Variants in EFR3B observed in about 807,000 individuals in gnomAD.
The protein encoded by EFR3B is EFR3 homolog B.
EFR3B carries 64 observed loss-of-function variants against 104.7 expected under a neutral mutation model. The ratio of observed to expected loss-of-function variants is 0.61; its 90% CI spans 0.50 to 0.75. The LOEUF (loss-of-function observed/expected upper bound fraction) is 0.75, where lower values mean the gene tolerates loss of function less well. EFR3B is among the 30% of genes least tolerant of loss of function. EFR3B has a pLI of 0.00. For synonymous variants in EFR3B, 385 were observed against 417.9 expected (o/e 0.92, Z 0.96); for missense variants, 750 against 1,078.5 (o/e 0.70, Z 4.27).
At chr2:25,100,320 T>G (rs570925315) in intron 3 of EFR3B, among the ~76,000 whole-genome samples, 1 of 152,346 alleles carries the variant, frequency 6.6e-6, no homozygotes, top group African/African-American at 2.4e-5. Flanking sequence ...TTACGGCATG[T>G]GAACCTGACT....
chr2:25,113,128 G>C (rs867457049), intron 4 of EFR3B, among the ~76,000 whole-genome samples: 1 of 152,010 alleles, frequency 6.6e-6, no homozygotes, highest in Non-Finnish European at 1.5e-5. Context: ...ATCTTGAAAG[G>C]GTGGCCCTAG....
At chr2:25,075,223 C>T (rs147688279) in intron 1 of EFR3B, among the ~76,000 whole-genome samples, 3 of 152,326 alleles carry the variant, frequency 2.0e-5, no homozygotes, top group African/African-American at 7.2e-5. Context: ...TCTCCTGCAG[C>T]TCTGAAGTCA....
rs956157834 is a variant in EFR3B at position 25,155,956 on chromosome 2, G to A, written c.*1616G>A. On this transcript the variant is annotated 3_prime_UTR_variant, in exon 23 of 23. Transcript: ENST00000403714. ...TTCTCCCACCTCAGCCTCCTGAGTAGCTGAGAATCCCTTTTTAGGGTACAA... is the reference window on the plus strand; with the variant it reads ...TTCTCCCACCTCAGCCTCCTGAGTAACTGAGAATCCCTTTTTAGGGTACAA... The A allele has an allele frequency of 5.3e-5, 8 of 151,996 alleles. No homozygotes were observed. The highest frequency in any genetic ancestry group is 1.7e-4 in the African/African-American group (7 of 41,348). 9.4% of individuals were successfully genotyped at this position (151,996 alleles called of 1,614,324 possible). A position where few individuals can be genotyped will look rare whatever the true frequency, so the allele number is the denominator to read the frequency against.
intron 1 of EFR3B, among the ~76,000 whole-genome samples, chr2:25,088,740 TCA>T: frequency 6.6e-6 from 1 of 152,140 alleles, no homozygotes. Flanking sequence ...TTGTTCCAAG[TCA>T]CAGTTTAGGA....
intron 4 of EFR3B, among the ~76,000 whole-genome samples, chr2:25,105,679 C>G (rs1669542533): frequency 6.6e-6 from 1 of 152,204 alleles, no homozygotes; most frequent in African/African-American, 2.4e-5. Flanking sequence ...GCTTCAGATA[C>G]TGTTTTAGTT....
At chr2:25,123,774 C>T (rs1573219327) in intron 5 of EFR3B, among the ~76,000 whole-genome samples, 1 of 152,250 alleles carries the variant, frequency 6.6e-6, no homozygotes, top group South Asian at 2.1e-4. Context: ...AGTGGATGGG[C>T]CACTCATGCC....
chr2:25,146,116 A>C (rs1670808930), intron 19 of EFR3B: 1 of 143,174 alleles, frequency 7.0e-6, no homozygotes, highest in Non-Finnish European at 1.5e-5. Flanking sequence ...GCTGACTGTT[A>C]CAGTTCACAA....
intron 2 of EFR3B, among the ~76,000 whole-genome samples, chr2:25,092,422 A>T (rs532320678): frequency 1.6e-5 from 1 of 62,412 alleles, no homozygotes; most frequent in Non-Finnish European, 2.8e-5. Flanking sequence ...ACACACACAC[A>T]CTTACACACA....
intron 1 of EFR3B, among the ~76,000 whole-genome samples, chr2:25,089,586 A>C (rs1324241114): frequency 6.6e-6 from 1 of 152,168 alleles, no homozygotes; most frequent in Middle Eastern, 3.2e-3. Flanking sequence ...TGCGCCAGGC[A>C]GAAGACTGGG....
At chr2:25,052,453 G>A (rs1667897446) in intron 1 of EFR3B, among the ~76,000 whole-genome samples, 1 of 149,062 alleles carries the variant, frequency 6.7e-6, no homozygotes, top group Non-Finnish European at 1.5e-5. Context: ...TACTGTTAAT[G>A]TGGCTTCCAT....
intron 17 of EFR3B, among the ~76,000 whole-genome samples, chr2:25,143,475 A>G (rs928743337): frequency 3.3e-5 from 5 of 152,056 alleles, no homozygotes; most frequent in Non-Finnish European, 7.4e-5. Context: ...CCTGGCCAAC[A>G]TGATGAAACT....
At chr2:25,125,913 G>A (rs1488051987) in intron 5 of EFR3B, among the ~76,000 whole-genome samples, 1 of 152,150 alleles carries the variant, frequency 6.6e-6, no homozygotes, top group Admixed American at 6.5e-5. Flanking sequence ...GTGCCTGGGT[G>A]ACAGAGCGAG....
intron 1 of EFR3B, among the ~76,000 whole-genome samples, chr2:25,086,939 G>GT (rs1668967481): frequency 6.6e-6 from 1 of 152,124 alleles, no homozygotes; most frequent in Non-Finnish European, 1.5e-5. Context: ...TTAAGTGTTT[G>GT]TATTAGTCCA....
intron 20 of EFR3B, 53 bp from the exon 21 acceptor site, chr2:25,151,861 C>A: frequency 6.5e-7 from 1 of 1,536,504 alleles, no homozygotes; most frequent in Non-Finnish European, 8.8e-7. Flanking sequence ...AGGAGTCCCT[C>A]CCTTCACCTC....
intron 1 of EFR3B, among the ~76,000 whole-genome samples, chr2:25,061,813 A>C (rs1388619890): frequency 2.6e-5 from 4 of 152,022 alleles, no homozygotes; most frequent in African/African-American, 4.8e-5. Flanking sequence ...TAAAAAAAAA[A>C]AACAAAAAAC....
chr2:25,143,018 C>T (rs1358132045), intron 17 of EFR3B, among the ~76,000 whole-genome samples: 5 of 148,576 alleles, frequency 3.4e-5, no homozygotes, highest in African/African-American at 9.9e-5. Flanking sequence ...GAGGCCGAGG[C>T]GGGCGGGTCA....
At chr2:25,059,114 ATT>A (rs70947864) in intron 1 of EFR3B, among the ~76,000 whole-genome samples, 9 of 142,014 alleles carry the variant, frequency 6.3e-5, no homozygotes, top group Admixed American at 2.1e-4. Flanking sequence ...TTCAGTGTTG[ATT>A]TTTTTTTTTT....
At chr2:25,072,560 G>A (rs1164949853) in intron 1 of EFR3B, among the ~76,000 whole-genome samples, 1 of 152,194 alleles carries the variant, frequency 6.6e-6, no homozygotes, top group African/African-American at 2.4e-5. Context: ...AGGATTACAG[G>A]CGTGAGCCAC....
chr2:25,134,184 T>A (rs1377688323), intron 12 of EFR3B, among the ~76,000 whole-genome samples: 1 of 151,558 alleles, frequency 6.6e-6, no homozygotes, highest in African/African-American at 2.4e-5. Flanking sequence ...TATATTTTTT[T>A]TTTTTTTTTT....
Sources: allele counts gnomAD v4.1 joint callset (sites outside exome capture counted in the v4.1 genomes callset), GRCh38; gene constraint gnomAD v4.1.1; transcripts MANE v1.5; gene names NCBI Gene and HGNC (gene_info 2026-07-23, HGNC 2026-07-21).